Variants in SLC35A3 observed in about 807,000 individuals in gnomAD.
SLC35A3 encodes solute carrier family 35 member A3, also known as UDP-N-acetylglucosamine transporter.
In SLC35A3, 26 loss-of-function variants were observed where a neutral mutation model predicts 39.0. The observed-to-expected ratio is 0.67, with a 90% confidence interval of 0.49 to 0.92. SLC35A3 has a LOEUF of 0.92. SLC35A3 is among the 40% of genes least tolerant of loss of function. SLC35A3 has a pLI of 0.00. For missense variants in SLC35A3, 299 were observed against 371.6 expected (o/e 0.80, Z 1.61); for synonymous variants, 135 against 133.1 (o/e 1.01, Z -0.10).
In SLC35A3 at chr1:100,030,354, A is replaced by T. The variant is rs1343727254; in HGVS notation, c.*7878A>T. On this transcript the variant is annotated 3_prime_UTR_variant, in exon 8 of 8. Coordinates refer to ENST00000533028, the MANE Select transcript of SLC35A3 (RefSeq NM_012243.3). ...ACAGTGTTTAGTGATAATCACTGAA[A>T]ATTCACGTTAAAATATACTTTAAGC... is the stretch of plus-strand genomic sequence containing the variant. 1 of 152,226 alleles carries T rather than the reference A, an allele frequency of 6.6e-6. No individual in the cohort carries two copies. The highest frequency in any genetic ancestry group is 1.5e-5 in the Non-Finnish European group (1 of 68,034). 9.4% of individuals were successfully genotyped at this position (152,226 alleles called of 1,614,324 possible). A position where few individuals can be genotyped will look rare whatever the true frequency, so the allele number is the denominator to read the frequency against.
chr1:100,015,259 G>A, intron 5 of SLC35A3, 43 bp from the exon 6 acceptor site: 1 of 1,472,414 alleles, frequency 6.8e-7, no homozygotes, highest in South Asian at 1.5e-5. Context: ...TATCTCTTCA[G>A]ACAAACTAAA....
chr1:99,970,665 A>T, intron 1 of SLC35A3: 1 of 1,512,722 alleles, frequency 6.6e-7, no homozygotes. Context: ...TAAGAACACA[A>T]GGACTGTTTG....
chr1:99,970,605 G>A (rs1462997673), intron 1 of SLC35A3: 1 of 1,536,150 alleles, frequency 6.5e-7, no homozygotes, highest in Non-Finnish European at 8.7e-7. Context: ...TGGAGCTCAA[G>A]AAGCCGCAGG....
intron 5 of SLC35A3, among the ~76,000 whole-genome samples, chr1:100,013,327 A>T (rs980751716): frequency 1.3e-5 from 2 of 151,548 alleles, no homozygotes; most frequent in Non-Finnish European, 2.9e-5. Context: ...ATATATATAT[A>T]TAAGCCTGGA....
rs1419651719 is a variant in SLC35A3, at chr1:100,035,546, T to C, written c.*13070T>C. On this transcript the variant is annotated 3_prime_UTR_variant, in exon 8 of 8. Coordinates refer to ENST00000533028, the MANE Select transcript of SLC35A3 (RefSeq NM_012243.3). ...AATTACCTTCCTTTTGTTTTGTAAC[T>C]GTGTCCCCCACTAGAATGTAAGCTC... The C allele has an allele frequency of 2.0e-5, 3 of 152,258 alleles. No homozygotes were observed. The South Asian group carries it at 6.2e-4, about 31-fold the overall frequency. The allele number at this position is 152,258 out of a possible 1,614,324, so 9.4% of individuals were successfully genotyped here.
chr1:99,991,177 G>T (rs777247148), intron 1 of SLC35A3, among the ~76,000 whole-genome samples: 1 of 152,098 alleles, frequency 6.6e-6, no homozygotes, highest in South Asian at 2.1e-4. Flanking sequence ...ATGATGTCTC[G>T]CTCTGTCGTC....
At chr1:99,970,451 G>C (rs1245109774) in intron 1 of SLC35A3, 2 of 856,450 alleles carry the variant, frequency 2.3e-6, no homozygotes, top group Non-Finnish European at 1.8e-6. Context: ...AATGAAGACG[G>C]CAGTGTGTGC....
chr1:100,016,008 G>A (rs894038121), intron 6 of SLC35A3, among the ~76,000 whole-genome samples: 1 of 151,944 alleles, frequency 6.6e-6, no homozygotes, highest in African/African-American at 2.4e-5. Context: ...GCTCCAGAAA[G>A]GAAGGTGAAG....
At chr1:99,972,060 A>C (rs1656846301) in intron 1 of SLC35A3, among the ~76,000 whole-genome samples, 1 of 151,714 alleles carries the variant, frequency 6.6e-6, no homozygotes, top group Admixed American at 6.6e-5. Context: ...CACCACACCC[A>C]GCCAATTTTT....
chr1:100,025,783 T>C lies in SLC35A3; in HGVS notation c.*3307T>C, dbSNP rs932170949. 6.6e-6 allele frequency: 1 copy of C among 152,196 alleles called. No homozygotes were observed. The highest frequency in any genetic ancestry group is 2.4e-5 in the African/African-American group (1 of 41,458). The allele number at this position is 152,196 out of a possible 1,614,324, so 9.4% of individuals were successfully genotyped here. On this transcript the variant is annotated 3_prime_UTR_variant, in exon 8 of 8. Transcript: ENST00000533028. ...TTCATTATTTAAATTCCTATACTTT[T>C]TATTTGTTATCACGCAACTACTTTG...
At chr1:100,016,114 G>T (rs571962620) in intron 6 of SLC35A3, among the ~76,000 whole-genome samples, 1 of 150,154 alleles carries the variant, frequency 6.7e-6, no homozygotes, top group African/African-American at 2.5e-5. Context: ...CACCAGGCTG[G>T]AGTGCAGTGG....
intron 5 of SLC35A3, among the ~76,000 whole-genome samples, chr1:100,013,361 C>T (rs1280864329): frequency 6.6e-6 from 1 of 150,436 alleles, no homozygotes; most frequent in African/African-American, 2.5e-5. Context: ...GCCTGTAATC[C>T]CAGCACTTTG....
chr1:99,971,052 C>T (rs996434195), intron 1 of SLC35A3, among the ~76,000 whole-genome samples: 4 of 152,208 alleles, frequency 2.6e-5, no homozygotes, highest in Non-Finnish European at 5.9e-5. Flanking sequence ...ATAGCAATAA[C>T]TTCCAAACTG....
chr1:99,996,290 G>T (rs1055428866), intron 2 of SLC35A3, among the ~76,000 whole-genome samples: 2 of 152,082 alleles, frequency 1.3e-5, no homozygotes, highest in Admixed American at 6.6e-5. Context: ...ATTAAGAGAA[G>T]ATATTTATAT....
intron 1 of SLC35A3, among the ~76,000 whole-genome samples, chr1:99,974,578 C>T (rs939710199): frequency 5.9e-5 from 9 of 152,156 alleles, no homozygotes; most frequent in African/African-American, 2.2e-4. Context: ...GATCCTCCCA[C>T]CATGGCCTCT....
chr1:99,979,046 A>C lies in SLC35A3; in HGVS notation c.-19+8884A>C, dbSNP rs946549993. The C allele has an allele frequency of 2.6e-5, 4 of 152,236 alleles. 1 individual carries two copies. Among genetic ancestry groups the C allele is most frequent in the Admixed American group, 2.6e-4 (4 of 15,286 alleles). 9.4% of individuals were successfully genotyped at this position (152,236 alleles called of 1,614,324 possible). ...AATTCATGAAGCATTCCCTTAGGGA[A>C]GAAAAAATAGATGTAGAATTGGAAA... is the stretch of plus-strand genomic sequence containing the variant. On this transcript the variant is annotated intron_variant, in intron 1 of 7. Transcript: ENST00000533028.
chr1:100,002,798 A>G (rs1430928058), intron 3 of SLC35A3, among the ~76,000 whole-genome samples: 2 of 144,362 alleles, frequency 1.4e-5, no homozygotes, highest in Non-Finnish European at 3.0e-5. Context: ...TTTTTTTTGT[A>G]GAGACAGGGT....
intron 4 of SLC35A3, among the ~76,000 whole-genome samples, chr1:100,010,170 T>C (rs1659529017): frequency 1.3e-5 from 2 of 152,066 alleles, no homozygotes. Flanking sequence ...ATTTCCATCA[T>C]CCAAAGAGTC....
rs1175441651 is a variant in SLC35A3 at position 100,031,955 on chromosome 1, T to C, written c.*9479T>C. On this transcript the variant is annotated 3_prime_UTR_variant, in exon 8 of 8. Coordinates refer to ENST00000533028, the MANE Select transcript of SLC35A3 (RefSeq NM_012243.3). The stretch of plus-strand genomic sequence containing the variant: ...CCAAAGTTACTTTGCTCCTATTATG[T>C]GGTTTGATTTGTTCCCTTTATTCCT... 4 of 152,182 alleles carry C rather than the reference T, an allele frequency of 2.6e-5. No individual in the cohort carries two copies. The highest frequency in any genetic ancestry group is 5.9e-5 in the Non-Finnish European group (4 of 68,026). 9.4% of individuals were successfully genotyped at this position (152,182 alleles called of 1,614,324 possible).
Sources: gnomAD v4.1 joint callset for allele counts (sites outside exome capture counted in the v4.1 genomes callset) on GRCh38, gnomAD v4.1.1 for gene constraint, MANE v1.5 for transcripts, NCBI Gene and HGNC (gene_info 2026-07-23, HGNC 2026-07-21) for gene names.